Variants in CCNC observed in about 807,000 individuals in gnomAD.
CCNC encodes cyclin C.
CCNC carries 19 observed loss-of-function variants against 50.0 expected under a neutral mutation model. The observed-to-expected ratio is 0.38, with a 90% CI of 0.27 to 0.56. The LOEUF (loss-of-function observed/expected upper bound fraction) is 0.56. Among genes scored for constraint, CCNC ranks in the 20% least tolerant of loss-of-function variants. CCNC has a pLI of 0.72. For synonymous variants in CCNC, 93 were observed against 103.7 expected, an observed-to-expected ratio of 0.90 and a Z score of 0.63; for missense variants, 200 against 327.1, an observed-to-expected ratio of 0.61 and a Z score of 3.00.
In CCNC at chr6:99,561,429, G is replaced by A. The variant is rs1378362658; in HGVS notation, c.232C>T (p.Leu78=). The part of the protein sequence containing the change: ...YFKRFYARYS[L]KSIDPVLMAP... ...ATTAATACAGGATCTATACTTTTCAGAGAATACCTAAAATATGATAAAACA... is the reference window on the plus strand; with the variant it reads ...ATTAATACAGGATCTATACTTTTCAAAGAATACCTAAAATATGATAAAACA... Residue 78 remains leucine (L), a synonymous_variant, in exon 4 of 12, where the codon CTG becomes TTG. Transcript: ENST00000520429. The A allele has an allele frequency of 4.5e-6, 7 of 1,563,176 alleles. No homozygotes were observed. Among genetic ancestry groups the A allele is most frequent in the Non-Finnish European group, 1.7e-6 (2 of 1,158,272 alleles).
At chr6:99,567,217 A>G (rs1769167549) in intron 1 of CCNC, among the ~76,000 whole-genome samples, 1 of 151,900 alleles carries the variant, frequency 6.6e-6, no homozygotes, top group African/African-American at 2.4e-5. Context: ...TGAAAAATCA[A>G]CAGTCAGCTA....
chr6:99,545,071 A>G (rs765946470), intron 11 of CCNC, 41 bp downstream of exon 11: 1 of 934,238 alleles, frequency 1.1e-6, no homozygotes, highest in East Asian at 2.4e-5. Context: ...TAAGTATGAT[A>G]TATGATTAAA....
chr6:99,562,767 A>G, intron 2 of CCNC, 75 bp downstream of exon 2: 1 of 793,336 alleles, frequency 1.3e-6, no homozygotes. Context: ...AACAGTTCAC[A>G]AATTACCACA....
At chr6:99,566,254 G>A (rs1002333636) in intron 1 of CCNC, among the ~76,000 whole-genome samples, 4 of 111,628 alleles carry the variant, frequency 3.6e-5, no homozygotes, top group South Asian at 4.1e-4. Context: ...TATTAGCATC[G>A]TTATCTATTT....
In CCNC at chr6:99,561,439, A is replaced by G. The variant is rs1465750507; in HGVS notation, c.225-3T>C. On this transcript the variant is annotated splice_polypyrimidine_tract_variant and splice_region_variant and intron_variant, in intron 3 of 11. Coordinates refer to ENST00000520429, the MANE Select transcript of CCNC (RefSeq NM_005190.4). The stretch of plus-strand genomic sequence containing the variant: ...GATCTATACTTTTCAGAGAATACCT[A>G]AAATATGATAAAACAAAGTTAAATA... 4 of 1,540,036 alleles carry G rather than the reference A, an allele frequency of 2.6e-6. No homozygotes were observed. In the Admixed American group the frequency reaches 8.5e-5, roughly 33 times the overall value.
intron 10 of CCNC, 47 bp downstream of exon 10, chr6:99,546,348 G>T: frequency 8.3e-7 from 1 of 1,208,570 alleles, no homozygotes; most frequent in South Asian, 1.2e-5. Flanking sequence ...AAGTAAATAT[G>T]ACATTAATTT....
intron 5 of CCNC, among the ~76,000 whole-genome samples, chr6:99,555,424 C>T (rs1486770573): frequency 8.3e-6 from 1 of 119,944 alleles, no homozygotes; most frequent in South Asian, 3.5e-4. Context: ...CAGCATAAGA[C>T]ATTGTGGAAC....
intron 1 of CCNC, chr6:99,566,979 A>C: frequency 2.2e-6 from 1 of 454,546 alleles, no homozygotes; most frequent in Non-Finnish European, 4.4e-6. Context: ...TTTTCCAGAT[A>C]AGAAACTCCA....
chr6:99,563,349 T>C (rs533537495), intron 1 of CCNC, among the ~76,000 whole-genome samples: 45 of 152,338 alleles, frequency 3.0e-4, no homozygotes, highest in African/African-American at 1.0e-3. Context: ...GTATATAGTT[T>C]TCCAGCTGTT....
At chr6:99,567,647 A>G (rs1769194659) in intron 1 of CCNC, among the ~76,000 whole-genome samples, 1 of 152,240 alleles carries the variant, frequency 6.6e-6, no homozygotes, top group Non-Finnish European at 1.5e-5. Context: ...TTAGCATAAA[A>G]AATTATACCA....
chr6:99,557,404 A>G (rs1583581917), intron 5 of CCNC: 1 of 152,200 alleles, frequency 6.6e-6, no homozygotes, highest in East Asian at 1.9e-4. Context: ...TTTACCAAGT[A>G]TTGTGGACCA....
intron 7 of CCNC, chr6:99,550,556 T>G: frequency 2.4e-6 from 1 of 419,998 alleles, no homozygotes. Flanking sequence ...CATCCATTCA[T>G]TCCCTTAGAG....
Position 99,568,575 on chromosome 6 carries a change from C to G in CCNC, c.-48G>C. On this transcript the variant is annotated 5_prime_UTR_variant, in exon 1 of 12. Coordinates refer to ENST00000520429, the MANE Select transcript of CCNC (RefSeq NM_005190.4). ...AAAAGCACCAGCCGGCGGAGCGGCCCGCGGAGCGACCATAGACCCAGCCCG... is the reference window on the plus strand; with the variant it reads ...AAAAGCACCAGCCGGCGGAGCGGCCGGCGGAGCGACCATAGACCCAGCCCG... The G allele has an allele frequency of 6.3e-6, 10 of 1,598,432 alleles. No individual in the cohort carries two copies. Among genetic ancestry groups the G allele is most frequent in the Non-Finnish European group, 8.5e-6 (10 of 1,173,086 alleles).
Position 99,546,316 on chromosome 6 carries a change from C to T in CCNC, c.678+79G>A, listed in dbSNP as rs1802067738. ...ATAATCTTCTTAGCCTGGTGGACAT[C>T]ACAAGATTTTAGGCTCATGATAAGT... is the stretch of plus-strand genomic sequence containing the variant. On this transcript the variant is annotated intron_variant, in intron 10 of 11. Transcript: ENST00000520429. The T allele has an allele frequency of 6.5e-6, 6 of 920,424 alleles. No homozygotes were observed. The East Asian group carries it at 1.2e-4, about 19-fold the overall frequency. The allele number at this position is 920,424 out of a possible 1,614,324, so 57.0% of individuals were successfully genotyped here.
intron 5 of CCNC, among the ~76,000 whole-genome samples, chr6:99,555,434 CTCTT>C (rs1802474009): frequency 1.5e-5 from 1 of 64,974 alleles, no homozygotes; most frequent in South Asian, 1.2e-3. Context: ...CATTGTGGAA[CTCTT>C]TTTTTTTTTA....
chr6:99,551,863 C>A lies in CCNC; in HGVS notation c.379G>T (p.Glu127Ter). Residue 127 changes from glutamate to a stop codon, truncating the protein, a stop_gained, in exon 6 of 12, where the codon GAA becomes TAA. Transcript: ENST00000520429. LOFTEE classifies it high-confidence loss of function. ...ACATGATTCATCCTATAAGGAAATTCCTTTGGAAAGGCATATGAAAATCTA... is the reference window on the plus strand; with the variant it reads ...ACATGATTCATCCTATAAGGAAATTACTTTGGAAAGGCATATGAAAATCTA... ...KTRFSYAFPK[E>*]FPYRMNHILE... is the part of the protein sequence containing the mutation. 1 of 1,429,838 alleles carries A rather than the reference C, an allele frequency of 7.0e-7. No individual in the cohort carries two copies. Among genetic ancestry groups the A allele is most frequent in the Non-Finnish European group, 9.4e-7 (1 of 1,065,582 alleles). The allele number at this position is 1,429,838 out of a possible 1,614,324, so 88.6% of individuals were successfully genotyped here.
chr6:99,549,507 C>G lies in CCNC; in HGVS notation c.598+1G>C. Reference sequence around the variant, plus strand: ...CATAAAGGCACACCATGCTTACATACCTAAAGCTATCATGAAAGGAGGATA... The same window carrying G: ...CATAAAGGCACACCATGCTTACATAGCTAAAGCTATCATGAAAGGAGGATA... On this transcript the variant is annotated splice_donor_variant, in intron 9 of 11. Coordinates refer to ENST00000520429, the MANE Select transcript of CCNC (RefSeq NM_005190.4). LOFTEE classifies it high-confidence loss of function. 6.3e-7 allele frequency: 1 copy of G among 1,599,064 alleles called. No individual in the cohort carries two copies. The highest frequency in any genetic ancestry group is 8.6e-7 in the Non-Finnish European group (1 of 1,166,926).
chr6:99,551,853 T>A lies in CCNC; in HGVS notation c.389A>T (p.Tyr130Phe). The part of the protein sequence containing the change: ...FSYAFPKEFP[Y>F]RMNHILECEF... ...TCATATACTTACATGATTCATCCTA[T>A]AAGGAAATTCCTTTGGAAAGGCATA... Residue 130 changes from tyrosine (Y) to phenylalanine (F), a missense_variant, in exon 6 of 12, where the codon TAT becomes TTT. By Grantham distance (22) the Tyr-to-Phe change is conservative. Coordinates refer to ENST00000520429, the MANE Select transcript of CCNC (RefSeq NM_005190.4). The A allele has an allele frequency of 7.0e-7, 1 of 1,437,424 alleles. No homozygotes were observed. The highest frequency in any genetic ancestry group is 1.5e-5 in the African/African-American group (1 of 68,364). The allele number at this position is 1,437,424 out of a possible 1,614,324, so 89.0% of individuals were successfully genotyped here. A position where few individuals can be genotyped will look rare whatever the true frequency, so the allele number is the denominator to read the frequency against.
At chr6:99,543,804 A>G (rs1801964393) in intron 11 of CCNC, 195 bp from the exon 12 acceptor site, 5 of 1,398,336 alleles carry the variant, frequency 3.6e-6, no homozygotes, top group South Asian at 3.4e-5. Flanking sequence ...TTATTCTTAT[A>G]TAACTTTGTG....
Sources: allele counts gnomAD v4.1 joint callset (sites outside exome capture counted in the v4.1 genomes callset), GRCh38; gene constraint gnomAD v4.1.1; transcripts MANE v1.5; gene names NCBI Gene and HGNC (gene_info 2026-07-23, HGNC 2026-07-21).